Variants in BAZ1A observed in about 807,000 individuals in gnomAD.
The protein encoded by BAZ1A is bromodomain adjacent to zinc finger domain protein 1A.
Under a neutral mutation model 185.2 loss-of-function variants are expected in BAZ1A, and 50 were observed. The observed-to-expected ratio is 0.27, with a 90% CI of 0.22 to 0.34. The LOEUF (loss-of-function observed/expected upper bound fraction) is 0.34, where lower values mean the gene tolerates loss of function less well. Ranked by LOEUF, BAZ1A falls within the 10% of genes least tolerant of loss-of-function variation. The pLI is 1.00. For synonymous variants in BAZ1A, 571 were observed against 615.6 expected, an observed-to-expected ratio of 0.93 and a Z score of 1.07; for missense variants, 1,356 against 1,839.9, an observed-to-expected ratio of 0.74 and a Z score of 4.81.
intron 2 of BAZ1A, among the ~76,000 whole-genome samples, chr14:34,865,195 CCA>C (rs1292315520): frequency 6.6e-6 from 1 of 152,062 alleles, no homozygotes; most frequent in Non-Finnish European, 1.5e-5. Flanking sequence ...CTACGGTGAG[CCA>C]CAATCATGCC....
chr14:34,861,652 A>G (rs1199999861), intron 3 of BAZ1A, among the ~76,000 whole-genome samples: 1 of 152,222 alleles, frequency 6.6e-6, no homozygotes, highest in Non-Finnish European at 1.5e-5. Flanking sequence ...ACTTCCATAT[A>G]ATAGAACTTT....
chr14:34,827,911 C>G (rs1305937838), intron 3 of BAZ1A, among the ~76,000 whole-genome samples: 2 of 152,038 alleles, frequency 1.3e-5, no homozygotes, highest in Non-Finnish European at 2.9e-5. Context: ...TTTACTAACT[C>G]TATCACCCCT....
At chr14:34,833,604 T>C (rs946785346) in intron 3 of BAZ1A, among the ~76,000 whole-genome samples, 2 of 152,032 alleles carry the variant, frequency 1.3e-5, no homozygotes, top group Non-Finnish European at 2.9e-5. Flanking sequence ...AAAGGACAAA[T>C]ATATGATTCC....
chr14:34,810,528 C>T (rs1285156052), intron 5 of BAZ1A, among the ~76,000 whole-genome samples: 1 of 152,144 alleles, frequency 6.6e-6, no homozygotes, highest in Non-Finnish European at 1.5e-5. Flanking sequence ...TGAGTTATCT[C>T]ATGAAAAGTA....
At chr14:34,842,956 T>C (rs778098065) in intron 3 of BAZ1A, among the ~76,000 whole-genome samples, 7 of 151,874 alleles carry the variant, frequency 4.6e-5, no homozygotes, top group South Asian at 2.1e-4. Context: ...TGCCCACTCA[T>C]TGAATTTACG....
intron 12 of BAZ1A, among the ~76,000 whole-genome samples, chr14:34,788,969 C>T (rs982423417): frequency 1.1e-4 from 17 of 152,120 alleles, no homozygotes; most frequent in African/African-American, 3.1e-4. Context: ...TTACAATCAT[C>T]GACAATTTCA....
intron 6 of BAZ1A, among the ~76,000 whole-genome samples, chr14:34,806,031 G>C (rs913594922): frequency 5.9e-5 from 9 of 151,336 alleles, no homozygotes; most frequent in African/African-American, 1.5e-4. Context: ...TTTCTCCTAA[G>C]TACCTCATCA....
At chr14:34,868,579 G>A (rs1253060434) in intron 2 of BAZ1A, among the ~76,000 whole-genome samples, 4 of 152,160 alleles carry the variant, frequency 2.6e-5, no homozygotes, top group Non-Finnish European at 5.9e-5. Flanking sequence ...CGAGGCGGGT[G>A]GATCACAAGT....
intron 16 of BAZ1A, 130 bp from the exon 17 acceptor site, chr14:34,780,440 G>A: frequency 2.3e-6 from 2 of 870,794 alleles, no homozygotes; most frequent in East Asian, 5.8e-5. Flanking sequence ...ACACAGTTTT[G>A]GTCTTGCAGA....
chr14:34,758,691 G>A lies in BAZ1A; in HGVS notation c.4386+13C>T, dbSNP rs903275410. ...AATATACAGGAATACATTTTATCAA[G>A]TCTAGTAATTACCTGGATTTTAGAA... On this transcript the variant is annotated intron_variant, in intron 25 of 26. Coordinates refer to ENST00000360310, the MANE Select transcript of BAZ1A (RefSeq NM_013448.3). 1.2e-6 allele frequency: 2 copies of A among 1,612,790 alleles called. No individual in the cohort carries two copies. The highest frequency in any genetic ancestry group is 1.7e-6 in the Non-Finnish European group (2 of 1,179,062).
intron 4 of BAZ1A, among the ~76,000 whole-genome samples, chr14:34,811,894 G>A (rs1184931825): frequency 1.3e-5 from 2 of 152,010 alleles, no homozygotes; most frequent in Non-Finnish European, 2.9e-5. Context: ...TGGAGACAAT[G>A]TAGTTTAATT....
At chr14:34,788,661 A>T (rs1004783691) in intron 12 of BAZ1A, among the ~76,000 whole-genome samples, 20 of 151,532 alleles carry the variant, frequency 1.3e-4, no homozygotes, top group East Asian at 1.9e-4. Flanking sequence ...CAAAAAAAAA[A>T]ATTTTTTTTC....
chr14:34,754,658 T>C (rs1886165361), intron 26 of BAZ1A, among the ~76,000 whole-genome samples, 169 bp downstream of exon 26: 1 of 152,166 alleles, frequency 6.6e-6, no homozygotes, highest in Admixed American at 6.6e-5. Flanking sequence ...CATACACTAA[T>C]AAGTACTTGT....
At chr14:34,773,033 TAAC>T (rs984455420) in intron 20 of BAZ1A, among the ~76,000 whole-genome samples, 33 of 151,236 alleles carry the variant, frequency 2.2e-4, no homozygotes, top group Non-Finnish European at 3.8e-4. Context: ...TCTCAAAAAA[TAAC>T]AACAACAACA....
chr14:34,768,441 G>T (rs1301563907), intron 21 of BAZ1A, among the ~76,000 whole-genome samples: 1 of 152,074 alleles, frequency 6.6e-6, no homozygotes, highest in Non-Finnish European at 1.5e-5. Flanking sequence ...AGTATACAAA[G>T]ATTCACCGGT....
chr14:34,759,106 A>G (rs564570349), intron 24 of BAZ1A, among the ~76,000 whole-genome samples: 1 of 151,800 alleles, frequency 6.6e-6, no homozygotes, highest in South Asian at 2.1e-4. Flanking sequence ...CAAAAGAAAA[A>G]TCTAGAACAC....
At chr14:34,784,012 G>T in intron 14 of BAZ1A, 85 bp from the exon 15 acceptor site, 1 of 1,211,014 alleles carries the variant, frequency 8.3e-7, no homozygotes, top group Non-Finnish European at 1.1e-6. Flanking sequence ...GGCTCAATGT[G>T]AAAATGCCTA....
At chr14:34,759,631 T>G (rs2138537154) in intron 24 of BAZ1A, among the ~76,000 whole-genome samples, 1 of 152,194 alleles carries the variant, frequency 6.6e-6, no homozygotes, top group Non-Finnish European at 1.5e-5. Context: ...AAAGCAATTC[T>G]CACTGGTAAA....
At chr14:34,766,288 G>A (rs1200406263) in intron 21 of BAZ1A, among the ~76,000 whole-genome samples, 1 of 152,196 alleles carries the variant, frequency 6.6e-6, no homozygotes, top group East Asian at 1.9e-4. Context: ...CTCCCCCTAT[G>A]TGCAGCACTT....
Sources: allele counts gnomAD v4.1 joint callset (sites outside exome capture counted in the v4.1 genomes callset), GRCh38; gene constraint gnomAD v4.1.1; transcripts MANE v1.5; gene names NCBI Gene and HGNC (gene_info 2026-07-23, HGNC 2026-07-21).